The following PPP2R2C variants were observed in gnomAD, a reference collection of about 807,000 sequenced individuals.
PPP2R2C encodes the protein protein phosphatase 2 regulatory subunit Bgamma.
In PPP2R2C, 10 loss-of-function variants were observed where a neutral mutation model predicts 45.3. The ratio of observed to expected loss-of-function variants is 0.22; its 90% CI spans 0.14 to 0.37. PPP2R2C has a LOEUF of 0.37. Among genes scored for constraint, PPP2R2C ranks in the 10% least tolerant of loss-of-function variants. PPP2R2C has a pLI of 1.00. For synonymous variants in PPP2R2C, 257 were observed against 245.4 expected, an observed-to-expected ratio of 1.05 and a Z score of -0.44; for missense variants, 308 against 619.7, an observed-to-expected ratio of 0.50 and a Z score of 5.34.
At chr4:6,485,608 T>A (rs1722505244) in intron 2 of PPP2R2C, among the ~76,000 whole-genome samples, 2 of 152,006 alleles carry the variant, frequency 1.3e-5, no homozygotes, top group South Asian at 4.1e-4. Context: ...AATTTGTGTC[T>A]TTCCAGGAAT....
chr4:6,341,338 C>CAA (rs10604483), intron 6 of PPP2R2C, among the ~76,000 whole-genome samples: 108 of 91,278 alleles, frequency 1.2e-3, no homozygotes, highest in African/African-American at 2.2e-3. Context: ...GACTCCATTT[C>CAA]AAAAAAAAAA....
intron 1 of PPP2R2C, among the ~76,000 whole-genome samples, chr4:6,406,906 A>T (rs1717834068): frequency 6.6e-6 from 1 of 152,254 alleles, no homozygotes; most frequent in Admixed American, 6.5e-5. Flanking sequence ...ATCATTCTGA[A>T]TTATCTGAGT....
chr4:6,334,914 C>G (rs938364945), intron 6 of PPP2R2C, among the ~76,000 whole-genome samples: 8 of 152,210 alleles, frequency 5.3e-5, no homozygotes, highest in African/African-American at 1.9e-4. Flanking sequence ...TCCTGCCTCC[C>G]AGGTCTGTCC....
chr4:6,467,799 A>G (rs1252496020), intron 1 of PPP2R2C, among the ~76,000 whole-genome samples: 2 of 152,184 alleles, frequency 1.3e-5, no homozygotes, highest in Admixed American at 1.3e-4. Context: ...TCAGGCCTCT[A>G]TGTCCTGGAT....
At chr4:6,339,776 C>G (rs940567342) in intron 6 of PPP2R2C, among the ~76,000 whole-genome samples, 1 of 152,098 alleles carries the variant, frequency 6.6e-6, no homozygotes, top group Admixed American at 6.5e-5. Context: ...GGGCAGTGAT[C>G]GCCCCTGGCT....
At chr4:6,361,269 A>T (rs960099715) in intron 5 of PPP2R2C, among the ~76,000 whole-genome samples, 2 of 152,170 alleles carry the variant, frequency 1.3e-5, no homozygotes, top group Non-Finnish European at 2.9e-5. Context: ...TGAGCCCTGC[A>T]CGCTCTCTGT....
At chr4:6,381,415 G>A (rs944887284) in intron 1 of PPP2R2C, 45 of 1,417,350 alleles carry the variant, frequency 3.2e-5, no homozygotes, top group Admixed American at 6.8e-5. Context: ...GAAGCCACCT[G>A]GATGTGGCCT....
At chr4:6,522,732 G>A (rs974593393) in intron 2 of PPP2R2C, among the ~76,000 whole-genome samples, 3 of 152,266 alleles carry the variant, frequency 2.0e-5, no homozygotes, top group African/African-American at 7.2e-5. Context: ...GGTCTCAGCA[G>A]GGGTCTGCCC....
At chr4:6,508,697 C>T (rs963724412) in intron 2 of PPP2R2C, among the ~76,000 whole-genome samples, 1 of 151,790 alleles carries the variant, frequency 6.6e-6, no homozygotes, top group African/African-American at 2.4e-5. Context: ...CACTAAGAGG[C>T]AAAATGATGG....
Position 6,330,258 on chromosome 4 carries a change from T to C in PPP2R2C, c.961-905A>G, listed in dbSNP as rs1577069498. 1.3e-5 allele frequency among the ~76,000 whole-genome samples: 2 copies of C among 152,162 alleles called. 1 individual carries two copies. Among genetic ancestry groups the C allele is most frequent in the South Asian group, 4.2e-4 (2 of 4,808 alleles). On this transcript the variant is annotated intron_variant, in intron 7 of 8. Transcript: ENST00000382599. This position sits in a 1 kb window ranked among gnomAD's most constrained non-coding sequence, Gnocchi z 7.0. ...CAGGGCACGGGCTCTGCCCTCTGGG[T>C]GCGGAAGGGAAGGTAACTGGGTGCC... is the stretch of plus-strand genomic sequence containing the variant.
Position 6,383,797 on chromosome 4 carries a change from G to T in PPP2R2C, c.71-2703C>A, listed in dbSNP as rs140907662. ...CAGGCTTAATTCACGGCTTCAAATG[G>T]TGCCTGTATGCAGTAGCCAGGCCAG... On this transcript the variant is annotated intron_variant, in intron 1 of 8. Transcript: ENST00000382599. 6.1e-4 allele frequency: 617 copies of T among 1,015,084 alleles called. 6 individuals carry two copies. In the African/African-American group the frequency reaches 9.5e-3, roughly 16 times the overall value. The allele number at this position is 1,015,084 out of a possible 1,614,324, so 62.9% of individuals were successfully genotyped here. A position where few individuals can be genotyped will look rare whatever the true frequency, so the allele number is the denominator to read the frequency against.
intron 1 of PPP2R2C, among the ~76,000 whole-genome samples, chr4:6,537,927 AG>A (rs1274215637): frequency 6.6e-6 from 1 of 152,154 alleles, no homozygotes; most frequent in East Asian, 1.9e-4. Context: ...GAAGTCCTGG[AG>A]GAGTCAAATT....
At chr4:6,435,628 C>T (rs182280805) in intron 1 of PPP2R2C, among the ~76,000 whole-genome samples, 4 of 152,298 alleles carry the variant, frequency 2.6e-5, no homozygotes, top group African/African-American at 7.2e-5. Flanking sequence ...TCTATTTATA[C>T]AAGATTCGTG....
At chr4:6,495,560 T>A (rs1291114701) in intron 2 of PPP2R2C, among the ~76,000 whole-genome samples, 1 of 152,174 alleles carries the variant, frequency 6.6e-6, no homozygotes, top group Non-Finnish European at 1.5e-5. Context: ...TCTGGGTTCA[T>A]CCCATGCTCT....
chr4:6,507,899 A>G (rs181040715), intron 2 of PPP2R2C, among the ~76,000 whole-genome samples: 40 of 152,348 alleles, frequency 2.6e-4, no homozygotes, highest in Admixed American at 2.1e-3. Flanking sequence ...GTTGAACATG[A>G]TTGCTGAAAT....
At chr4:6,434,462 G>A (rs144369346) in intron 1 of PPP2R2C, among the ~76,000 whole-genome samples, 2,638 of 146,626 alleles carry the variant, frequency 0.018, 36 homozygotes, top group South Asian at 0.029. Flanking sequence ...GGGTTCAAGC[G>A]ATTCTCGTGC....
Position 6,345,724 on chromosome 4 carries a change from T to G in PPP2R2C, c.790+2122A>C, listed in dbSNP as rs1711819508. On this transcript the variant is annotated intron_variant, in intron 6 of 8. Coordinates refer to ENST00000382599, the MANE Select transcript of PPP2R2C (RefSeq NM_020416.4). This position sits in a 1 kb window ranked among gnomAD's most constrained non-coding sequence, Gnocchi z 5.3. ...ATGGCCAGTGAGCTGGCTGTGGGAC[T>G]GCGGACTGAGACTATACATATGCCC... Among the ~76,000 whole-genome samples the G allele has an allele frequency of 6.6e-6, 1 of 152,076 alleles. No homozygotes were observed.
chr4:6,380,953 G>T, intron 2 of PPP2R2C, 44 bp downstream of exon 2: 5 of 1,422,166 alleles, frequency 3.5e-6, no homozygotes, highest in South Asian at 1.6e-5. Flanking sequence ...ACCTGACTCT[G>T]CTCCCCACCC....
intron 2 of PPP2R2C, among the ~76,000 whole-genome samples, chr4:6,534,956 C>A (rs567297317): frequency 2.0e-5 from 3 of 152,244 alleles, no homozygotes; most frequent in Non-Finnish European, 4.4e-5. Flanking sequence ...GTAAACAACG[C>A]TCCTGGCTCC....
Sources: allele counts gnomAD v4.1 joint callset (sites outside exome capture counted in the v4.1 genomes callset), GRCh38; gene constraint gnomAD v4.1.1; non-coding constraint Gnocchi (gnomAD v3.1); transcripts MANE v1.5; gene names NCBI Gene and HGNC (gene_info 2026-07-23, HGNC 2026-07-21).